The following ARHGAP21 variants were observed in gnomAD, a reference collection of about 807,000 sequenced individuals.
ARHGAP21 encodes the protein Rho GTPase activating protein 21.
A neutral mutation model predicts 164.6 loss-of-function variants in ARHGAP21; 38 were observed. The observed-to-expected ratio is 0.23, with a 90% confidence interval of 0.18 to 0.30. The LOEUF (loss-of-function observed/expected upper bound fraction) is 0.30, where lower values mean the gene tolerates loss of function less well. ARHGAP21 is among the 10% of genes least tolerant of loss of function. The probability of loss-of-function intolerance (pLI) is 1.00; values close to 1 mark genes in which losing one functional copy is unlikely to be tolerated. For missense variants in ARHGAP21, 1,822 were observed against 2,370.7 expected (o/e 0.77, Z 4.81); for synonymous variants, 766 against 857.9 (o/e 0.89, Z 1.87).
chr10:24,648,418 A>C (rs975621662), intron 4 of ARHGAP21, among the ~76,000 whole-genome samples: 1 of 152,216 alleles, frequency 6.6e-6, no homozygotes, highest in Non-Finnish European at 1.5e-5. Context: ...AGCAGCTATC[A>C]CTTTTTCCCT....
chr10:24,622,440 ATATATATATAT>A (rs1834656633), intron 8 of ARHGAP21, among the ~76,000 whole-genome samples: 13 of 8,602 alleles, frequency 1.5e-3, no homozygotes, highest in Middle Eastern at 0.031. Flanking sequence ...AAACATATAT[ATATATATATAT>A]ATATATATAT....
chr10:24,584,295 G>T lies in ARHGAP21; in HGVS notation c.*117C>A. Reference sequence around the variant, plus strand: ...AAGCTATTTCACAGTGCAAAATGATGAAACCAGCCCAAATGAAGGCTGCAT... The same window carrying T: ...AAGCTATTTCACAGTGCAAAATGATTAAACCAGCCCAAATGAAGGCTGCAT... On this transcript the variant is annotated 3_prime_UTR_variant, in exon 26 of 26. Coordinates refer to ENST00000396432, the MANE Select transcript of ARHGAP21 (RefSeq NM_020824.4). 2 of 1,228,888 alleles carry T rather than the reference G, an allele frequency of 1.6e-6. No homozygotes were observed. Among genetic ancestry groups the T allele is most frequent in the Non-Finnish European group, 2.3e-6 (2 of 882,142 alleles). The allele number at this position is 1,228,888 out of a possible 1,614,324, so 76.1% of individuals were successfully genotyped here.
chr10:24,586,235 A>G, intron 25 of ARHGAP21, 129 bp from the exon 26 acceptor site: 1 of 1,229,710 alleles, frequency 8.1e-7, no homozygotes, highest in South Asian at 2.0e-5. Context: ...TTAACAGTGC[A>G]ATTAGCTTTT....
rs753111535 is a variant in ARHGAP21, at chr10:24,585,525, G to A, written c.4764C>T (p.Ser1588=). ...ANVSTITSDY[S]TTSSATYLTS... ...TCAAGTATGTAGCAGACGATGTGGT[G>A]GAATAATCTGAGGTGATGGTGCTGA... is the stretch of plus-strand genomic sequence containing the variant. Residue 1588 remains serine, a synonymous_variant, in exon 26 of 26, where the codon TCC becomes TCT. Coordinates refer to ENST00000396432, the MANE Select transcript of ARHGAP21 (RefSeq NM_020824.4). 6.2e-6 allele frequency: 10 copies of A among 1,614,054 alleles called. No individual in the cohort carries two copies. In the South Asian group the frequency reaches 6.6e-5, roughly 11 times the overall value.
intron 9 of ARHGAP21, among the ~76,000 whole-genome samples, chr10:24,608,559 T>A (rs1308182343): frequency 1.3e-5 from 2 of 152,142 alleles, no homozygotes; most frequent in African/African-American, 4.8e-5. Context: ...TAAAACCTGT[T>A]AAAGAATATA....
At chr10:24,612,984 A>G (rs944249355) in intron 9 of ARHGAP21, among the ~76,000 whole-genome samples, 1 of 152,232 alleles carries the variant, frequency 6.6e-6, no homozygotes, top group Non-Finnish European at 1.5e-5. Context: ...GATCTTATTA[A>G]TAGTCAAGCA....
At chr10:24,597,351 C>T in intron 16 of ARHGAP21, 96 bp downstream of exon 16, 1 of 1,461,798 alleles carries the variant, frequency 6.8e-7, no homozygotes, top group Non-Finnish European at 9.2e-7. Flanking sequence ...TGACATGGGG[C>T]CTGGTCAGTA....
intron 4 of ARHGAP21, among the ~76,000 whole-genome samples, chr10:24,648,641 G>A (rs12249553): frequency 0.01 from 1,553 of 152,148 alleles, 24 homozygotes; most frequent in African/African-American, 0.036. Flanking sequence ...TTAGCCAGGC[G>A]TGGTGGTAGG....
At chr10:24,610,973 T>C (rs1264621934) in intron 9 of ARHGAP21, among the ~76,000 whole-genome samples, 1 of 152,160 alleles carries the variant, frequency 6.6e-6, no homozygotes, top group African/African-American at 2.4e-5. Context: ...GAAACAGTGA[T>C]TTATAACTGT....
At chr10:24,590,999 T>G (rs2076305067) in intron 24 of ARHGAP21, 1 of 835,250 alleles carries the variant, frequency 1.2e-6, no homozygotes, top group Non-Finnish European at 1.4e-6. Context: ...TCCCTCATAG[T>G]TCCATTCTGA....
intron 2 of ARHGAP21, among the ~76,000 whole-genome samples, chr10:24,695,097 C>CGAAAAGAAA (rs1843061997): frequency 1.1e-5 from 1 of 91,100 alleles, no homozygotes; most frequent in African/African-American, 4.1e-5. Context: ...AAAAAAAAAA[C>CGAAAAGAAA]GAAAAGAAAG....
chr10:24,596,710 G>A (rs1592955810), intron 17 of ARHGAP21, 30 bp downstream of exon 17: 1 of 1,613,098 alleles, frequency 6.2e-7, no homozygotes, highest in Non-Finnish European at 8.5e-7. Context: ...TTAATGACTT[G>A]AGGAAATCCG....
rs1593409863 is a variant in ARHGAP21 at position 24,721,968 on chromosome 10, C to A, written c.-69G>T. On this transcript the variant is annotated 5_prime_UTR_variant, in exon 2 of 26. Transcript: ENST00000396432. ...CATTGGACGTGGCGGGGAATGCCACCACACACCCGAAGGGGAAGAATTCCA... is the reference window on the plus strand; with the variant it reads ...CATTGGACGTGGCGGGGAATGCCACAACACACCCGAAGGGGAAGAATTCCA... The A allele has an allele frequency of 6.6e-7, 1 of 1,509,404 alleles. No individual in the cohort carries two copies. Among genetic ancestry groups the A allele is most frequent in the East Asian group, 2.3e-5 (1 of 43,922 alleles). 93.5% of individuals were successfully genotyped at this position (1,509,404 alleles called of 1,614,324 possible).
At chr10:24,714,636 G>C (rs1338593403) in intron 2 of ARHGAP21, among the ~76,000 whole-genome samples, 1 of 152,060 alleles carries the variant, frequency 6.6e-6, no homozygotes, top group Non-Finnish European at 1.5e-5. Flanking sequence ...CTTAAATTCA[G>C]GTGTATGAAG....
At chr10:24,665,393 G>T (rs954256877) in intron 4 of ARHGAP21, among the ~76,000 whole-genome samples, 5 of 151,946 alleles carry the variant, frequency 3.3e-5, no homozygotes, top group Non-Finnish European at 7.4e-5. Context: ...CCATCAACAG[G>T]TTGAGTGGTT....
intron 25 of ARHGAP21, among the ~76,000 whole-genome samples, chr10:24,587,286 T>C (rs779870637): frequency 6.6e-6 from 1 of 152,108 alleles, no homozygotes; most frequent in Non-Finnish European, 1.5e-5. Flanking sequence ...CATCTAGATA[T>C]AATAGGTTCT....
chr10:24,653,516 T>A (rs1838429779), intron 4 of ARHGAP21, among the ~76,000 whole-genome samples: 1 of 151,332 alleles, frequency 6.6e-6, no homozygotes, highest in African/African-American at 2.4e-5. Context: ...GAGCTTGCAG[T>A]GAGCTGAGAT....
chr10:24,672,720 T>C lies in ARHGAP21; in HGVS notation c.64-2323A>G, dbSNP rs949142145. Among the ~76,000 whole-genome samples, 15 of 152,192 alleles carry C rather than the reference T, an allele frequency of 9.9e-5. 1 individual carries two copies. The highest frequency in any genetic ancestry group is 3.4e-4 in the African/African-American group (14 of 41,452). Reference sequence around the variant, plus strand: ...TTTTATTATCTTCCACCAGTGAGTCTACCCACTCTGCCACAATAATTTGCC... The same window carrying C: ...TTTTATTATCTTCCACCAGTGAGTCCACCCACTCTGCCACAATAATTTGCC... On this transcript the variant is annotated intron_variant, in intron 2 of 25. Coordinates refer to ENST00000396432, the MANE Select transcript of ARHGAP21 (RefSeq NM_020824.4).
chr10:24,654,641 C>T (rs1285934645), intron 4 of ARHGAP21, among the ~76,000 whole-genome samples: 1 of 152,196 alleles, frequency 6.6e-6, no homozygotes, highest in Non-Finnish European at 1.5e-5. Context: ...AATGGAAGAA[C>T]ATTCCATGCT....
Sources: gnomAD v4.1 joint callset for allele counts (sites outside exome capture counted in the v4.1 genomes callset) on GRCh38, gnomAD v4.1.1 for gene constraint, MANE v1.5 for transcripts, NCBI Gene and HGNC (gene_info 2026-07-23, HGNC 2026-07-21) for gene names.